HMGA2: variants seen among roughly 807,000 people sequenced by gnomAD.
HMGA2 encodes the protein high mobility group AT-hook 2.
Under a neutral mutation model 19.1 loss-of-function variants are expected in HMGA2, and 8 were observed. The observed-to-expected ratio is 0.42, with a 90% CI of 0.25 to 0.76. The LOEUF (loss-of-function observed/expected upper bound fraction) is 0.76. Among genes scored for constraint, HMGA2 ranks in the 30% least tolerant of loss-of-function variants. The probability of loss-of-function intolerance (pLI) is 0.28; values close to 1 mark genes in which losing one functional copy is unlikely to be tolerated. For synonymous variants in HMGA2, 60 were observed against 48.8 expected (o/e 1.23, Z -0.96); for missense variants, 109 against 136.3 (o/e 0.80, Z 1.00).
Position 65,829,597 on chromosome 12 carries a change from G to A in HMGA2, c.198+1510G>A, listed in dbSNP as rs1233874317. Among the ~76,000 whole-genome samples, 8 of 151,988 alleles carry A rather than the reference G, an allele frequency of 5.3e-5. No individual in the cohort carries two copies. In the South Asian group the frequency reaches 1.2e-3, roughly 24 times the overall value. On this transcript the variant is annotated intron_variant, in intron 2 of 4. Transcript: ENST00000403681. Reference sequence around the variant, plus strand: ...ATTTAAGCTGTGGTATAATTCCTCTGAAAAACACATCATGATAATATCTCC... The same window carrying A: ...ATTTAAGCTGTGGTATAATTCCTCTAAAAAACACATCATGATAATATCTCC...
At chr12:65,952,530 A>T (rs1340234147) in intron 4 of HMGA2, 5 of 1,426,110 alleles carry the variant, frequency 3.5e-6, no homozygotes, top group Non-Finnish European at 4.6e-6. Context: ...AGTTACCATG[A>T]AAAAAATCAT....
intron 4 of HMGA2, chr12:65,958,461 C>T (rs1876662783): frequency 6.6e-6 from 1 of 152,158 alleles, no homozygotes; most frequent in Admixed American, 6.5e-5. Flanking sequence ...TAATCACTTT[C>T]CATTAAGTTA....
intron 3 of HMGA2, among the ~76,000 whole-genome samples, chr12:65,950,105 G>T (rs1876406394): frequency 6.6e-6 from 1 of 152,206 alleles, no homozygotes; most frequent in Admixed American, 6.5e-5. Flanking sequence ...TTGCTGGTGG[G>T]ACGGACTGCA....
At chr12:65,859,896 C>A (rs1386463003) in intron 3 of HMGA2, 3 of 232,064 alleles carry the variant, frequency 1.3e-5, no homozygotes, top group African/African-American at 4.6e-5. Flanking sequence ...CCAGCCTGGG[C>A]AATATAGTAA....
chr12:65,852,333 C>T (rs541643604), intron 3 of HMGA2, among the ~76,000 whole-genome samples: 18 of 152,086 alleles, frequency 1.2e-4, no homozygotes, highest in Admixed American at 1.1e-3. Context: ...CCCATCTCTA[C>T]TAAAGAAAAA....
chr12:65,927,943 ATG>A (rs1323128368), intron 3 of HMGA2, among the ~76,000 whole-genome samples: 2 of 100,524 alleles, frequency 2.0e-5, no homozygotes, highest in African/African-American at 6.7e-5. Flanking sequence ...CAAAATATGT[ATG>A]TGAGTATATA....
chr12:65,877,905 C>T (rs527430914), intron 3 of HMGA2, among the ~76,000 whole-genome samples: 1 of 152,186 alleles, frequency 6.6e-6, no homozygotes, highest in Non-Finnish European at 1.5e-5. Flanking sequence ...TGTAAACGCT[C>T]ATATTTCCTT....
At chr12:65,863,883 G>C (rs1363579848) in intron 3 of HMGA2, among the ~76,000 whole-genome samples, 1 of 152,156 alleles carries the variant, frequency 6.6e-6, no homozygotes, top group Non-Finnish European at 1.5e-5. Context: ...AGCGATTTTA[G>C]TAGTCCAGCA....
intron 3 of HMGA2, among the ~76,000 whole-genome samples, chr12:65,873,404 C>T (rs1428457821): frequency 2.0e-5 from 3 of 152,002 alleles, no homozygotes; most frequent in African/African-American, 7.2e-5. Flanking sequence ...ATATTTTTTT[C>T]GTACTGAATC....
intron 3 of HMGA2, among the ~76,000 whole-genome samples, chr12:65,862,555 C>A (rs2120989053): frequency 6.6e-6 from 1 of 152,200 alleles, no homozygotes; most frequent in Non-Finnish European, 1.5e-5. Flanking sequence ...AAAATGAAAG[C>A]CAGTTGTTAG....
chr12:65,859,149 C>T (rs543382727), intron 3 of HMGA2: 1 of 152,382 alleles, frequency 6.6e-6, no homozygotes, highest in East Asian at 1.9e-4. Flanking sequence ...GATTTCCTGT[C>T]CTGCTAGGTC....
At chr12:65,949,381 T>C (rs1471056831) in intron 3 of HMGA2, among the ~76,000 whole-genome samples, 1 of 152,018 alleles carries the variant, frequency 6.6e-6, no homozygotes, top group African/African-American at 2.4e-5. Flanking sequence ...GCTCTCAGAA[T>C]GAATGAACAG....
intron 1 of HMGA2, among the ~76,000 whole-genome samples, chr12:65,827,268 G>A (rs1870254140): frequency 6.6e-6 from 1 of 152,150 alleles, no homozygotes; most frequent in African/African-American, 2.4e-5. Context: ...TCAAAAGAAA[G>A]TTTTGAAGAA....
intron 4 of HMGA2, among the ~76,000 whole-genome samples, chr12:65,960,693 T>G (rs1204312506): frequency 6.6e-6 from 1 of 152,202 alleles, no homozygotes; most frequent in Admixed American, 6.5e-5. Flanking sequence ...TTTAATGAAG[T>G]GAGACTTCCA....
chr12:65,954,281 C>T (rs1000115932), intron 4 of HMGA2: 1 of 152,090 alleles, frequency 6.6e-6, no homozygotes. Flanking sequence ...TTCTAGAATC[C>T]TGATTTATTC....
At chr12:65,828,370 TG>T (rs1870317079) in intron 2 of HMGA2, 2 of 93,850 alleles carry the variant, frequency 2.1e-5, no homozygotes, top group African/African-American at 1.2e-4. Flanking sequence ...AGGAAGGGGT[TG>T]CGGGGGGGGC....
chr12:65,828,397 C>A, intron 2 of HMGA2: 1 of 343,660 alleles, frequency 2.9e-6, no homozygotes, highest in South Asian at 2.8e-5. Flanking sequence ...GAAAATGACA[C>A]AATTAATATT....
At chr12:65,963,130 T>C in intron 4 of HMGA2, 115 bp from the exon 5 acceptor site, 2 of 914,542 alleles carry the variant, frequency 2.2e-6, no homozygotes, top group Non-Finnish European at 3.5e-6. Context: ...ATCGTCATCC[T>C]CTTTTGAGGC....
chr12:65,883,433 T>A (rs1396696531), intron 3 of HMGA2, among the ~76,000 whole-genome samples: 1 of 152,212 alleles, frequency 6.6e-6, no homozygotes, highest in Non-Finnish European at 1.5e-5. Flanking sequence ...GTCTATATAT[T>A]ACCTCAGTTT....
Sources: gnomAD v4.1 joint callset for allele counts (sites outside exome capture counted in the v4.1 genomes callset) on GRCh38, gnomAD v4.1.1 for gene constraint, MANE v1.5 for transcripts, NCBI Gene and HGNC (gene_info 2026-07-23, HGNC 2026-07-21) for gene names.